Variants in KAZN observed in about 807,000 individuals in gnomAD.
KAZN encodes kazrin, periplakin interacting protein.
Under a neutral mutation model 87.4 loss-of-function variants are expected in KAZN, and 40 were observed. The observed-to-expected ratio is 0.46, with a 90% confidence interval of 0.36 to 0.60. KAZN has a LOEUF of 0.60. Among genes scored for constraint, KAZN ranks in the 20% least tolerant of loss-of-function variants. KAZN has a pLI of 0.00. For missense variants in KAZN, 898 were observed against 1,073.9 expected (o/e 0.84, Z 2.29); for synonymous variants, 466 against 458.3 (o/e 1.02, Z -0.22).
chr1:14,459,895 C>T (rs1667769369), intron 2 of KAZN, among the ~76,000 whole-genome samples: 1 of 151,958 alleles, frequency 6.6e-6, no homozygotes, highest in South Asian at 2.1e-4. Flanking sequence ...GATTTTTTTT[C>T]TCTTTCTTTC....
rs142854183 is a variant in KAZN, at chr1:14,461,954, T to C, written c.250-137029T>C. On this transcript the variant is annotated intron_variant, in intron 2 of 16. Coordinates refer to the KAZN transcript ENST00000636203. ...AATATGAATTCTCTCCTGGGTGATA[T>C]GGTTTGGCTGTGTCCCCACCCAAAT... Among the ~76,000 whole-genome samples the C allele has an allele frequency of 7.8e-3, 1,184 of 152,026 alleles. 16 individuals are homozygous for C. Among genetic ancestry groups the C allele is most frequent in the African/African-American group, 0.027 (1,110 of 41,456 alleles).
chr1:14,580,988 A>G (rs959828389), intron 2 of KAZN, among the ~76,000 whole-genome samples: 2 of 151,634 alleles, frequency 1.3e-5, no homozygotes, highest in Admixed American at 6.6e-5. Context: ...TATGACCTTG[A>G]CCTCTAAATA....
intron 1 of KAZN, among the ~76,000 whole-genome samples, chr1:14,765,679 C>T (rs1644865102): frequency 6.6e-6 from 1 of 152,226 alleles, no homozygotes; most frequent in African/African-American, 2.4e-5. Context: ...CCCCAGATCT[C>T]AGCGCAGCTC....
chr1:13,988,131 C>G (rs1639106661), intron 1 of KAZN, among the ~76,000 whole-genome samples: 1 of 152,148 alleles, frequency 6.6e-6, no homozygotes, highest in Non-Finnish European at 1.5e-5. Flanking sequence ...CCAAAACATG[C>G]TTTTGGGGGG....
intron 12 of KAZN, 149 bp from the exon 13 acceptor site, chr1:15,103,874 G>T: frequency 1.4e-6 from 1 of 736,164 alleles, no homozygotes; most frequent in South Asian, 1.9e-5. Context: ...TAAAAAATTG[G>T]GGAGGGGTTC....
chr1:14,626,939 C>T (rs182479360), intron 1 of KAZN, among the ~76,000 whole-genome samples: 23 of 152,252 alleles, frequency 1.5e-4, no homozygotes, highest in African/African-American at 5.5e-4. Context: ...GGACTGTGCT[C>T]CTACTGTGTG....
intron 1 of KAZN, among the ~76,000 whole-genome samples, chr1:14,721,254 G>A (rs1025935171): frequency 2.8e-4 from 42 of 152,230 alleles, no homozygotes; most frequent in African/African-American, 5.3e-4. Context: ...TGCTATTCTC[G>A]TGCTTGTGAG....
intron 1 of KAZN, among the ~76,000 whole-genome samples, chr1:14,601,645 G>A (rs1444168554): frequency 6.6e-6 from 1 of 152,116 alleles, no homozygotes; most frequent in East Asian, 1.9e-4. Context: ...TTGATTCTTC[G>A]TAATACACCT....
intron 1 of KAZN, among the ~76,000 whole-genome samples, chr1:14,707,524 G>T (rs1008120593): frequency 6.6e-6 from 1 of 152,142 alleles, no homozygotes; most frequent in Non-Finnish European, 1.5e-5. Flanking sequence ...TTTGCTGGTG[G>T]TGTGGCTCTT....
intron 1 of KAZN, among the ~76,000 whole-genome samples, chr1:13,972,080 A>G (rs1388261769): frequency 6.6e-6 from 1 of 152,190 alleles, no homozygotes; most frequent in Non-Finnish European, 1.5e-5. Flanking sequence ...TGACTTCCAA[A>G]CACATGGCAA....
At chr1:14,490,192 A>T (rs1433214539) in intron 2 of KAZN, among the ~76,000 whole-genome samples, 1 of 152,200 alleles carries the variant, frequency 6.6e-6, no homozygotes, top group African/African-American at 2.4e-5. Flanking sequence ...GTCTGCTCTT[A>T]TCTTCCACCC....
intron 1 of KAZN, among the ~76,000 whole-genome samples, chr1:13,963,779 G>A (rs1641844502): frequency 6.7e-6 from 1 of 149,408 alleles, no homozygotes; most frequent in South Asian, 2.1e-4. Context: ...GTGTGTGTGT[G>A]TGTGTGTGTG....
intron 1 of KAZN, among the ~76,000 whole-genome samples, chr1:14,803,161 CT>C (rs1646095010): frequency 7.0e-6 from 1 of 142,788 alleles, no homozygotes; most frequent in Non-Finnish European, 1.5e-5. Context: ...GTGCTAAAGC[CT>C]CCCTTCATCT....
intron 1 of KAZN, among the ~76,000 whole-genome samples, chr1:14,733,504 GGGA>G (rs1643775608): frequency 6.6e-6 from 1 of 152,164 alleles, no homozygotes; most frequent in Non-Finnish European, 1.5e-5. Context: ...GCCGTAGGGT[GGGA>G]CCTCCTGGAG....
In KAZN at chr1:13,980,382, A is replaced by G. The variant is rs80048260; in HGVS notation, c.91+86626A>G. On this transcript the variant is annotated intron_variant, in intron 1 of 16. Coordinates refer to the KAZN transcript ENST00000636203. The stretch of plus-strand genomic sequence containing the variant: ...AACATATAACTATATGCTGCTGACA[A>G]GAAATACACCTTAAATATAAACATA... 4.1e-3 allele frequency among the ~76,000 whole-genome samples: 625 copies of G among 152,316 alleles called. 4 individuals carry two copies. Among genetic ancestry groups the G allele is most frequent in the African/African-American group, 0.014 (602 of 41,574 alleles).
chr1:14,469,018 G>A (rs755847902), intron 2 of KAZN, among the ~76,000 whole-genome samples: 21 of 152,100 alleles, frequency 1.4e-4, no homozygotes, highest in African/African-American at 4.3e-4. Flanking sequence ...CTGCTTCTTC[G>A]TTGGCAGAGG....
chr1:13,991,629 A>G (rs1393928402), intron 1 of KAZN, among the ~76,000 whole-genome samples: 1 of 152,168 alleles, frequency 6.6e-6, no homozygotes, highest in Non-Finnish European at 1.5e-5. Flanking sequence ...AATTTAATTT[A>G]TAAAAACCAT....
At chr1:14,510,497 A>G (rs1349602640) in intron 2 of KAZN, among the ~76,000 whole-genome samples, 2 of 152,176 alleles carry the variant, frequency 1.3e-5, no homozygotes, top group East Asian at 1.9e-4. Flanking sequence ...AAAGGTATTC[A>G]TGGTTTATCT....
At chr1:14,610,931 T>G (rs1406712720) in intron 1 of KAZN, among the ~76,000 whole-genome samples, 3 of 152,206 alleles carry the variant, frequency 2.0e-5, no homozygotes, top group Non-Finnish European at 4.4e-5. Flanking sequence ...GTTTGAATTC[T>G]CCAGCTAACC....
Sources: allele counts gnomAD v4.1 joint callset (sites outside exome capture counted in the v4.1 genomes callset), GRCh38; gene constraint gnomAD v4.1.1; transcripts MANE v1.5; gene names NCBI Gene and HGNC (gene_info 2026-07-23, HGNC 2026-07-21).